MAP2K6: variants seen among roughly 807,000 people sequenced by gnomAD.
MAP2K6 encodes dual specificity mitogen-activated protein kinase kinase 6.
Under a neutral mutation model 53.7 loss-of-function variants are expected in MAP2K6, and 16 were observed. That is an observed-to-expected ratio of 0.30 (90% CI 0.20 to 0.45). MAP2K6 has a LOEUF of 0.45. Among genes scored for constraint, MAP2K6 ranks in the 20% least tolerant of loss-of-function variants. The pLI, the probability that MAP2K6 is intolerant of heterozygous loss-of-function variation, is 1.00. For missense variants in MAP2K6, 204 were observed against 411.9 expected, an observed-to-expected ratio of 0.50 and a Z score of 4.37; for synonymous variants, 132 against 143.1, an observed-to-expected ratio of 0.92 and a Z score of 0.55.
intron 1 of MAP2K6, among the ~76,000 whole-genome samples, chr17:69,460,696 G>A (rs942528266): frequency 1.2e-4 from 18 of 152,266 alleles, no homozygotes; most frequent in Non-Finnish European, 2.2e-4. Context: ...GACCTCCTGG[G>A]CTCAAGTGAT....
intron 2 of MAP2K6, among the ~76,000 whole-genome samples, chr17:69,513,300 G>T (rs1289919935): frequency 6.6e-6 from 1 of 152,176 alleles, no homozygotes; most frequent in African/African-American, 2.4e-5. Context: ...AGTCTGCCTC[G>T]ATGGGAATCG....
chr17:69,500,447 C>CA lies in MAP2K6; in HGVS notation c.17-5306dup, dbSNP rs58712110. Among the ~76,000 whole-genome samples, 569 of 57,600 alleles carry CA rather than the reference C, an allele frequency of 9.9e-3. 40 individuals carry two copies. The highest frequency in any genetic ancestry group is 0.012 in the Non-Finnish European group (403 of 32,594). 37.8% of individuals were successfully genotyped at this position (57,600 alleles called of 152,430 possible). A position where few individuals can be genotyped will look rare whatever the true frequency, so the allele number is the denominator to read the frequency against. On this transcript the variant is annotated intron_variant, in intron 1 of 11. Transcript: ENST00000590474. ...TGGGTGACAAAGTGAGACTCTGTCT[C>CA]AAAAAAAAAAAAAAAAAAAAAAAAA...
intron 1 of MAP2K6, among the ~76,000 whole-genome samples, chr17:69,490,587 A>G (rs1908703108): frequency 6.6e-6 from 1 of 152,232 alleles, no homozygotes; most frequent in Admixed American, 6.5e-5. Context: ...GCATTATTTC[A>G]ATAAATGTTG....
intron 1 of MAP2K6, among the ~76,000 whole-genome samples, chr17:69,447,454 TCCAGCCTCAGCCTC>T (rs1407119644): frequency 1.3e-5 from 2 of 152,030 alleles, no homozygotes; most frequent in African/African-American, 4.8e-5. Context: ...CAAGTGATTC[TCCAGCCTCAGCCTC>T]CCGAGTAGCT....
chr17:69,541,586 C>A (rs1911637132), intron 11 of MAP2K6, 90 bp from the exon 12 acceptor site: 1 of 976,760 alleles, frequency 1.0e-6, no homozygotes, highest in Non-Finnish European at 1.6e-6. Context: ...ATACTTAATC[C>A]CTGTACCAAG....
intron 1 of MAP2K6, among the ~76,000 whole-genome samples, chr17:69,425,317 T>G (rs753424968): frequency 3.7e-4 from 57 of 152,226 alleles, no homozygotes; most frequent in African/African-American, 5.8e-4. Context: ...TTCTTTTTTT[T>G]TTTGTTTTTT....
intron 1 of MAP2K6, chr17:69,434,352 T>C (rs987464281): frequency 7.2e-5 from 11 of 152,240 alleles, no homozygotes; most frequent in African/African-American, 2.4e-4. Context: ...CCTCTGCTTT[T>C]TGTAACTTAA....
chr17:69,474,274 G>C (rs946292558), intron 1 of MAP2K6, among the ~76,000 whole-genome samples: 8 of 152,212 alleles, frequency 5.3e-5, no homozygotes, highest in African/African-American at 1.7e-4. Flanking sequence ...GAGCAGAGGA[G>C]AGTAATATAA....
At chr17:69,469,480 G>A (rs1907916509) in intron 1 of MAP2K6, among the ~76,000 whole-genome samples, 1 of 152,124 alleles carries the variant, frequency 6.6e-6, no homozygotes, top group Non-Finnish European at 1.5e-5. Flanking sequence ...GTATCTATAG[G>A]GGTCCAGGTG....
At chr17:69,518,175 G>GT (rs2145253213) in intron 4 of MAP2K6, among the ~76,000 whole-genome samples, 1 of 151,388 alleles carries the variant, frequency 6.6e-6, no homozygotes, top group East Asian at 1.9e-4. Flanking sequence ...GGACAACAGA[G>GT]TGAGACTCCA....
chr17:69,448,038 G>A (rs1907033359), intron 1 of MAP2K6, among the ~76,000 whole-genome samples: 1 of 152,142 alleles, frequency 6.6e-6, no homozygotes. Context: ...AGGGAAGTCA[G>A]CCCGTTAGCC....
At position 69,547,968 on chromosome 17, in the gene MAP2K6, C is replaced by T. The variant is rs1391179076; in HGVS notation, c.*6215C>T. On this transcript the variant is annotated 3_prime_UTR_variant, in exon 12 of 12. Coordinates refer to ENST00000590474, the MANE Select transcript of MAP2K6 (RefSeq NM_002758.4). ...AGATTGGGGAATTTGGGAGGTCAGA[C>T]TTACCTCAAACGTAGAAGAAGGCAG... 6.6e-6 allele frequency: 1 copy of T among 152,162 alleles called. No homozygotes were observed. Among genetic ancestry groups the T allele is most frequent in the Non-Finnish European group, 1.5e-5 (1 of 68,022 alleles). The allele number at this position is 152,162 out of a possible 1,614,324, so 9.4% of individuals were successfully genotyped here. A position where few individuals can be genotyped will look rare whatever the true frequency, so the allele number is the denominator to read the frequency against.
rs531189570 is a variant in MAP2K6 at position 69,552,779 on chromosome 17, G to A, written c.*11026G>A. On this transcript the variant is annotated 3_prime_UTR_variant, in exon 12 of 12. Coordinates refer to ENST00000590474, the MANE Select transcript of MAP2K6 (RefSeq NM_002758.4). ...GGGACAGCATGCCTTTGTTTTCTTT[G>A]CCTGTTGGCTTTGGTGGCTCCAAAC... 2.2e-4 allele frequency: 34 copies of A among 152,118 alleles called. No homozygotes were observed. The highest frequency in any genetic ancestry group is 8.0e-4 in the African/African-American group (33 of 41,480). The allele number at this position is 152,118 out of a possible 1,614,324, so 9.4% of individuals were successfully genotyped here. A position where few individuals can be genotyped will look rare whatever the true frequency, so the allele number is the denominator to read the frequency against.
intron 1 of MAP2K6, among the ~76,000 whole-genome samples, chr17:69,443,288 C>G (rs564375680): frequency 1.3e-5 from 2 of 152,250 alleles, no homozygotes; most frequent in East Asian, 3.9e-4. Flanking sequence ...ATCTCTTCCT[C>G]TGTGAACTTC....
chr17:69,532,526 G>T (rs575532623), intron 10 of MAP2K6, among the ~76,000 whole-genome samples: 1 of 152,310 alleles, frequency 6.6e-6, no homozygotes, highest in South Asian at 2.1e-4. Flanking sequence ...AGTTCAAAAA[G>T]AAATTGGTGT....
chr17:69,517,451 C>T lies in MAP2K6; in HGVS notation c.133-49C>T, dbSNP rs748495923. On this transcript the variant is annotated intron_variant, in intron 3 of 11. Coordinates refer to ENST00000590474, the MANE Select transcript of MAP2K6 (RefSeq NM_002758.4). ...GATAGAGGATAATGTGCTCTCTGTT[C>T]TGTTTATTTTTCTCTTTCCCATTGC... 4.9e-6 allele frequency: 5 copies of T among 1,025,488 alleles called. No homozygotes were observed. The Admixed American group carries it at 1.1e-4, about 22-fold the overall frequency. The allele number at this position is 1,025,488 out of a possible 1,614,324, so 63.5% of individuals were successfully genotyped here.
intron 2 of MAP2K6, among the ~76,000 whole-genome samples, chr17:69,512,546 C>A (rs1909907917): frequency 6.6e-6 from 1 of 151,752 alleles, no homozygotes; most frequent in Admixed American, 6.6e-5. Context: ...ACTATGTTGG[C>A]CAGGCTGGTC....
chr17:69,523,379 G>T (rs866565991), intron 7 of MAP2K6, 135 bp from the exon 8 acceptor site: 4 of 998,128 alleles, frequency 4.0e-6, no homozygotes, highest in Non-Finnish European at 4.6e-6. Context: ...GTCAGGGATG[G>T]CAGTTACTTC....
At chr17:69,424,687 G>A (rs1906210213) in intron 1 of MAP2K6, among the ~76,000 whole-genome samples, 1 of 152,208 alleles carries the variant, frequency 6.6e-6, no homozygotes, top group Non-Finnish European at 1.5e-5. Context: ...AGTGTATTCT[G>A]TAGGAATTTG....
Sources: allele counts gnomAD v4.1 joint callset (sites outside exome capture counted in the v4.1 genomes callset), GRCh38; gene constraint gnomAD v4.1.1; transcripts MANE v1.5; gene names NCBI Gene and HGNC (gene_info 2026-07-23, HGNC 2026-07-21).